Variants in ACSM2B observed in about 807,000 individuals in gnomAD.
The protein encoded by ACSM2B is acyl-coenzyme A synthetase ACSM2B, mitochondrial.
In ACSM2B, 58 loss-of-function variants were observed where a neutral mutation model predicts 78.6. The ratio of observed to expected loss-of-function variants is 0.74; its 90% CI spans 0.60 to 0.92. The LOEUF (loss-of-function observed/expected upper bound fraction) is 0.92. Ranked by LOEUF, ACSM2B falls within the 40% of genes least tolerant of loss-of-function variation. The pLI, the probability that ACSM2B is intolerant of heterozygous loss-of-function variation, is 0.00. For missense variants in ACSM2B, 688 were observed against 711.2 expected (o/e 0.97, Z 0.37); for synonymous variants, 257 against 256.8 (o/e 1.00, Z -0.01).
intron 4 of ACSM2B, among the ~76,000 whole-genome samples, chr16:20,554,443 C>T (rs940634680): frequency 1.6e-4 from 24 of 152,142 alleles, no homozygotes; most frequent in African/African-American, 5.3e-4. Flanking sequence ...TAAAAGCAGG[C>T]ATGATGCTAT....
chr16:20,553,926 A>G lies in ACSM2B; in HGVS notation c.597-6T>C. ...GATGAGTGGTGGATGCCTCACTGAC[A>G]AAGACACAGATTGTCATTTTCTCAG... is the stretch of plus-strand genomic sequence containing the variant. On this transcript the variant is annotated splice_region_variant and splice_polypyrimidine_tract_variant and intron_variant, in intron 4 of 13. Coordinates refer to ENST00000329697, the MANE Select transcript of ACSM2B (RefSeq NM_001105069.2). 1 of 1,613,520 alleles carries G rather than the reference A, an allele frequency of 6.2e-7. No homozygotes were observed. The highest frequency in any genetic ancestry group is 8.5e-7 in the Non-Finnish European group (1 of 1,179,674).
At chr16:20,545,416 C>G (rs2015108509) in intron 9 of ACSM2B, among the ~76,000 whole-genome samples, 158 bp from the exon 10 acceptor site, 2 of 152,164 alleles carry the variant, frequency 1.3e-5, no homozygotes, top group Non-Finnish European at 2.9e-5. Context: ...GTCTTAAACT[C>G]AGATCTCTGA....
intron 1 of ACSM2B, among the ~76,000 whole-genome samples, chr16:20,566,708 A>AC: frequency 2.7e-5 from 1 of 36,938 alleles, no homozygotes; most frequent in African/African-American, 1.6e-4. Context: ...GTATATATAT[A>AC]GTATATATAG....
In ACSM2B at chr16:20,548,472, G is replaced by A; in HGVS notation, c.896C>T (p.Thr299Ile). ...ACTCTTGATTGGATAACTGGAGAGT[G>A]TCTGGAAGACAAGAGCCAGGTGAGA... is the stretch of plus-strand genomic sequence containing the variant. ...PKFDPLVILK[T>I]LSSYPIKSMM... Residue 299 changes from threonine (T) to isoleucine (I), a missense_variant and splice_region_variant, in exon 7 of 14, where the codon ACA (threonine) becomes ATA (isoleucine). By Grantham distance (89) the Thr-to-Ile change is moderately conservative. Transcript: ENST00000329697. 1.9e-6 allele frequency: 3 copies of A among 1,613,618 alleles called. No homozygotes were observed. Among genetic ancestry groups the A allele is most frequent in the Non-Finnish European group, 1.7e-6 (2 of 1,179,674 alleles).
rs200667084 is a variant in ACSM2B, at chr16:20,564,846, G to A, written c.-1C>T. ...CCTGAACTTTTCGCAGCCAATGCAT[G>A]TTCAGGCCTGTAAAAGAAAGAAGAG... On this transcript the variant is annotated 5_prime_UTR_variant, in exon 2 of 14. Transcript: ENST00000329697. 106 of 1,605,366 alleles carry A rather than the reference G, an allele frequency of 6.6e-5. 2 individuals carry two copies. In the Admixed American group the frequency reaches 7.8e-4, roughly 12 times the overall value.
chr16:20,554,475 TA>T (rs1248281973), intron 4 of ACSM2B, among the ~76,000 whole-genome samples: 1 of 152,198 alleles, frequency 6.6e-6, no homozygotes, highest in Admixed American at 6.5e-5. Context: ...ACAGCTACCT[TA>T]AAGACCATGG....
At chr16:20,537,781 T>C (rs991435251) in intron 13 of ACSM2B, among the ~76,000 whole-genome samples, 1 of 152,164 alleles carries the variant, frequency 6.6e-6, no homozygotes, top group Non-Finnish European at 1.5e-5. Flanking sequence ...CAAAGGAGAT[T>C]ATGCAGGCTA....
At chr16:20,549,812 G>T (rs1476774969) in intron 6 of ACSM2B, 1 of 449,584 alleles carries the variant, frequency 2.2e-6, no homozygotes, top group East Asian at 7.2e-5. Context: ...CTTGAAGCGG[G>T]GGCTTCCAGC....
At chr16:20,544,497 G>T in intron 10 of ACSM2B, 1 of 828,922 alleles carries the variant, frequency 1.2e-6, no homozygotes, top group Non-Finnish European at 1.5e-6. Context: ...CTTGCCTCAT[G>T]GTATGCATTC....
chr16:20,545,341 A>G (rs2015106231), intron 9 of ACSM2B, 83 bp from the exon 10 acceptor site: 5 of 1,499,684 alleles, frequency 3.3e-6, no homozygotes, highest in Admixed American at 1.9e-5. Context: ...GAGTTGGTCA[A>G]ATGAAAGACT....
Position 20,548,417 on chromosome 16 carries a change from C to T in ACSM2B, c.951G>A (p.Met317Ile). Reference protein sequence around the residue: ...SMMGAPIVYRMLLQQDLSSYK... With the variant: ...SMMGAPIVYRILLQQDLSSYK... Reference sequence around the variant, plus strand: ...ACCTGGAAAGATCCTGCTGTAGCAACATCCGGTAAACAATAGGGGCACCCA... The same window carrying T: ...ACCTGGAAAGATCCTGCTGTAGCAATATCCGGTAAACAATAGGGGCACCCA... Residue 317 changes from methionine (M) to isoleucine (I), a missense_variant, in exon 7 of 14, where the codon ATG becomes ATA. By Grantham distance (10) the Met-to-Ile change is conservative. Coordinates refer to ENST00000329697, the MANE Select transcript of ACSM2B (RefSeq NM_001105069.2). 1 of 1,613,654 alleles carries T rather than the reference C, an allele frequency of 6.2e-7. No homozygotes were observed. Among genetic ancestry groups the T allele is most frequent in the Middle Eastern group, 1.7e-4 (1 of 6,056 alleles).
intron 1 of ACSM2B, among the ~76,000 whole-genome samples, chr16:20,566,911 T>A (rs2015912396): frequency 8.5e-6 from 1 of 118,226 alleles, no homozygotes; most frequent in African/African-American, 3.1e-5. Flanking sequence ...TATATAATAG[T>A]ATAGTTATAT....
chr16:20,555,819 A>G (rs1482157536), intron 3 of ACSM2B, among the ~76,000 whole-genome samples: 1 of 152,158 alleles, frequency 6.6e-6, no homozygotes, highest in Non-Finnish European at 1.5e-5. Flanking sequence ...AAACTCTCAT[A>G]TGATAATTAA....
intron 6 of ACSM2B, chr16:20,549,854 C>T: frequency 2.3e-6 from 1 of 444,186 alleles, no homozygotes; most frequent in Non-Finnish European, 4.5e-6. Flanking sequence ...TTCTGGTTGA[C>T]AATTGGTTGA....
rs775213714 is a variant in ACSM2B, at chr16:20,559,383, C to T, written c.242G>A (p.Trp81Ter). 2.5e-6 allele frequency: 4 copies of T among 1,612,462 alleles called. No individual in the cohort carries two copies. The African/African-American group carries it at 4.0e-5, about 16-fold the overall frequency. Residue 81 changes from tryptophan (W) to a stop codon, truncating the protein, a stop_gained, in exon 3 of 14, where the codon TGG becomes TAG. Coordinates refer to ENST00000329697, the MANE Select transcript of ACSM2B (RefSeq NM_001105069.2). LOFTEE classifies it high-confidence loss of function. ...GTTTTCACTCAGTTCTCTGAAATTCCACATTAATTCCTTCCCCTTCCCATT... is the reference window on the plus strand; with the variant it reads ...GTTTTCACTCAGTTCTCTGAAATTCTACATTAATTCCTTCCCCTTCCCATT... ...WVNGKGKELM[W>*]NFRELSENSQ...
At chr16:20,568,920 T>A (rs2016012966) in intron 1 of ACSM2B, among the ~76,000 whole-genome samples, 1 of 151,894 alleles carries the variant, frequency 6.6e-6, no homozygotes, top group African/African-American at 2.4e-5. Context: ...GGGCTTTTTT[T>A]ACTTGCTAAT....
rs148478247 is a variant in ACSM2B, at chr16:20,543,238, T to A, written c.1306A>T (p.Asn436Tyr). 1,776 of 1,613,736 alleles carry A rather than the reference T, an allele frequency of 1.1e-3. 22 individuals are homozygous for A. The East Asian group carries it at 0.03, about 27-fold the overall frequency. Reference sequence around the variant, plus strand: ...AGGAGCCAAAAGTCTCCTCGAATGTTGGCTGCTGTCTTGTCGGGATTTTCC... The same window carrying A: ...AGGAGCCAAAAGTCTCCTCGAATGTAGGCTGCTGTCTTGTCGGGATTTTCC... The part of the protein sequence containing the change: ...YVENPDKTAA[N>Y]IRGDFWLLGD... Residue 436 changes from asparagine to tyrosine, a missense_variant, in exon 11 of 14, where the codon AAC (asparagine) becomes TAC (tyrosine). By Grantham distance (143) the Asn-to-Tyr change is moderately radical. Transcript: ENST00000329697.
Position 20,559,353 on chromosome 16 carries a change from T to C in ACSM2B, c.272A>G (p.Gln91Arg), listed in dbSNP as rs542088831. The C allele has an allele frequency of 8.8e-5, 141 of 1,609,760 alleles. No homozygotes were observed. Among genetic ancestry groups the C allele is most frequent in the Non-Finnish European group, 1.0e-4 (123 of 1,177,706 alleles). The change falls in exon 3 of 14, where the codon CAG becomes CGG. Residue 91 changes from glutamine to arginine, a missense_variant. By Grantham distance (43) the Gln-to-Arg change is conservative. Coordinates refer to ENST00000329697, the MANE Select transcript of ACSM2B (RefSeq NM_001105069.2). ...WNFRELSENS[Q>R]QAANILSGAC... ...TCCCGAGAGGATGTTGGCTGCCTGC[T>C]GGCTGTTTTCACTCAGTTCTCTGAA... is the stretch of plus-strand genomic sequence containing the variant.
intron 1 of ACSM2B, among the ~76,000 whole-genome samples, chr16:20,566,951 CAT>C (rs1491304416): frequency 2.6e-5 from 3 of 113,948 alleles, no homozygotes; most frequent in Non-Finnish European, 5.1e-5. Flanking sequence ...TATTATATAT[CAT>C]ATATATTATA....
Sources: gnomAD v4.1 joint callset for allele counts (sites outside exome capture counted in the v4.1 genomes callset) on GRCh38, gnomAD v4.1.1 for gene constraint, MANE v1.5 for transcripts, NCBI Gene and HGNC (gene_info 2026-07-23, HGNC 2026-07-21) for gene names.